DSCAML1: variants seen among roughly 807,000 people sequenced by gnomAD.
The protein encoded by DSCAML1 is DS cell adhesion molecule like 1, also known as cell adhesion molecule DSCAML1.
Under a neutral mutation model 200.5 loss-of-function variants are expected in DSCAML1, and 38 were observed. The observed-to-expected ratio is 0.19, with a 90% CI of 0.15 to 0.25. The LOEUF (loss-of-function observed/expected upper bound fraction) is 0.25. Among genes scored for constraint, DSCAML1 ranks in the 10% least tolerant of loss-of-function variants. The pLI, the probability that DSCAML1 is intolerant of heterozygous loss-of-function variation, is 1.00. For synonymous variants in DSCAML1, 1,215 were observed against 1,165.0 expected (o/e 1.04, Z -0.87); for missense variants, 2,223 against 2,858.8 (o/e 0.78, Z 5.07).
At chr11:117,564,766 TTTCTTTC>T (rs1397670017) in intron 3 of DSCAML1, among the ~76,000 whole-genome samples, 1 of 151,708 alleles carries the variant, frequency 6.6e-6, no homozygotes, top group Non-Finnish European at 1.5e-5. Context: ...TCTTTCTTTC[TTTCTTTC>T]TTCTTTCTTT....
Position 117,796,895 on chromosome 11 carries a change from C to T in DSCAML1, c.46+139G>A, listed in dbSNP as rs1370596254. 4.6e-5 allele frequency: 24 copies of T among 526,640 alleles called. No homozygotes were observed. The East Asian group carries it at 8.7e-4, about 19-fold the overall frequency. The allele number at this position is 526,640 out of a possible 1,614,324, so 32.6% of individuals were successfully genotyped here. ...CCCCTGTCAGGGTGCCTGCCCCTCC[C>T]CGCTGCGCCCCACCCGGGGCCTTGC... is the stretch of plus-strand genomic sequence containing the variant. On this transcript the variant is annotated intron_variant, in intron 1 of 32. Coordinates refer to ENST00000651296, the MANE Select transcript of DSCAML1 (RefSeq NM_020693.4).
At position 117,518,527 on chromosome 11, in the gene DSCAML1, G is replaced by T. The variant is rs1472446328; in HGVS notation, c.1449C>A (p.Tyr483Ter). ...TGPQIRDGGVYRCTARNLVGS... is the reference protein window; with the variant it reads ...TGPQIRDGGV ...CCACCAAGTTCCGCGCTGTGCACCG[G>T]TACACGCCCCCGTCGCGGATCTGGG... Residue 483 changes from tyrosine (Y) to a stop codon, truncating the protein, a stop_gained, in exon 7 of 33, where the codon TAC becomes TAA. Coordinates refer to ENST00000651296, the MANE Select transcript of DSCAML1 (RefSeq NM_020693.4). LOFTEE classifies it high-confidence loss of function. This position sits in a 1 kb window ranked among gnomAD's most constrained non-coding sequence, Gnocchi z 6.3. 6.2e-7 allele frequency: 1 copy of T among 1,614,080 alleles called. No homozygotes were observed. The highest frequency in any genetic ancestry group is 8.5e-7 in the Non-Finnish European group (1 of 1,180,050).
Position 117,797,159 on chromosome 11 carries a change from T to A in DSCAML1, c.-80A>T. 6.3e-7 allele frequency: 1 copy of A among 1,586,368 alleles called. No individual in the cohort carries two copies. The highest frequency in any genetic ancestry group is 8.6e-7 in the Non-Finnish European group (1 of 1,167,898). Reference sequence around the variant, plus strand: ...AGCGCCTCTCCCCCGCTCAGCGCGCTCCCAGCCGCCCGCACTCGGCGCCCC... The same window carrying A: ...AGCGCCTCTCCCCCGCTCAGCGCGCACCCAGCCGCCCGCACTCGGCGCCCC... On this transcript the variant is annotated 5_prime_UTR_variant, in exon 1 of 33. Coordinates refer to ENST00000651296, the MANE Select transcript of DSCAML1 (RefSeq NM_020693.4).
At position 117,683,888 on chromosome 11, in the gene DSCAML1, C is replaced by G. The variant is rs577660466; in HGVS notation, c.511+92903G>C. Among the ~76,000 whole-genome samples the G allele has an allele frequency of 2.0e-5, 3 of 152,320 alleles. No homozygotes were observed. The South Asian group carries it at 6.2e-4, about 32-fold the overall frequency. Reference sequence around the variant, plus strand: ...GCTGGCTGTCTCCTGTCATCACCCCCACCCAGGGTCCCAATACCTTCTTTC... The same window carrying G: ...GCTGGCTGTCTCCTGTCATCACCCCGACCCAGGGTCCCAATACCTTCTTTC... On this transcript the variant is annotated intron_variant, in intron 3 of 32. Coordinates refer to ENST00000651296, the MANE Select transcript of DSCAML1 (RefSeq NM_020693.4).
chr11:117,661,835 C>G (rs1192351942), intron 3 of DSCAML1, among the ~76,000 whole-genome samples: 2 of 152,156 alleles, frequency 1.3e-5, no homozygotes, highest in Non-Finnish European at 2.9e-5. Context: ...GTCATAGGGA[C>G]TGGGCCTATG....
chr11:117,684,720 T>A (rs182616326), intron 3 of DSCAML1, among the ~76,000 whole-genome samples: 6 of 152,368 alleles, frequency 3.9e-5, no homozygotes, highest in African/African-American at 1.2e-4. Flanking sequence ...GCCAAGAATG[T>A]AAAATTGAAA....
intron 3 of DSCAML1, among the ~76,000 whole-genome samples, chr11:117,651,903 G>A (rs145211228): frequency 6.6e-6 from 1 of 152,246 alleles, no homozygotes; most frequent in Non-Finnish European, 1.5e-5. Flanking sequence ...GGATGACAAT[G>A]CCTACTCTGC....
At chr11:117,443,247 G>T (rs564098189) in intron 21 of DSCAML1, among the ~76,000 whole-genome samples, 4 of 152,184 alleles carry the variant, frequency 2.6e-5, no homozygotes, top group Non-Finnish European at 5.9e-5. Context: ...CTACCTGCGC[G>T]GCTGCTACAG....
chr11:117,575,867 CA>C (rs1565800014), intron 3 of DSCAML1, among the ~76,000 whole-genome samples: 1 of 150,774 alleles, frequency 6.6e-6, no homozygotes, highest in African/African-American at 2.4e-5. Context: ...CAAAACAAAA[CA>C]AAACAAAACA....
intron 4 of DSCAML1, among the ~76,000 whole-genome samples, chr11:117,531,499 A>C (rs988181156): frequency 6.6e-6 from 1 of 152,218 alleles, no homozygotes; most frequent in African/African-American, 2.4e-5. Flanking sequence ...TATTCTGTTT[A>C]GAAATATTTT....
chr11:117,616,944 A>T (rs1480053735), intron 3 of DSCAML1, among the ~76,000 whole-genome samples: 1 of 152,222 alleles, frequency 6.6e-6, no homozygotes, highest in Non-Finnish European at 1.5e-5. Context: ...ATAAGAGGAA[A>T]CTTCAGGGGA....
chr11:117,433,578 C>A, intron 27 of DSCAML1, 107 bp from the exon 28 acceptor site: 1 of 1,233,754 alleles, frequency 8.1e-7, no homozygotes, highest in Non-Finnish European at 1.1e-6. Context: ...AAAATGGGGC[C>A]AGGGCTGGTC....
In DSCAML1 at chr11:117,438,857, C is replaced by T. The variant is rs550184017; in HGVS notation, c.4243+28G>A. 142 of 1,514,004 alleles carry T rather than the reference C, an allele frequency of 9.4e-5. 1 individual carries two copies. The South Asian group carries it at 1.8e-3, about 20-fold the overall frequency. 93.8% of individuals were successfully genotyped at this position (1,514,004 alleles called of 1,614,324 possible). A position where few individuals can be genotyped will look rare whatever the true frequency, so the allele number is the denominator to read the frequency against. Reference sequence around the variant, plus strand: ...CCGGGCCCAGAATTCCTTCCCCTATCTTCCCCCGCATCCAGACCCCTCCTC... The same window carrying T: ...CCGGGCCCAGAATTCCTTCCCCTATTTTCCCCCGCATCCAGACCCCTCCTC... On this transcript the variant is annotated intron_variant, in intron 24 of 32. Coordinates refer to ENST00000651296, the MANE Select transcript of DSCAML1 (RefSeq NM_020693.4).
chr11:117,532,571 C>T (rs1379502822), intron 3 of DSCAML1, 49 bp from the exon 4 acceptor site: 2 of 1,576,500 alleles, frequency 1.3e-6, no homozygotes, highest in Non-Finnish European at 1.7e-6. Context: ...TTTCGTACAG[C>T]CTCAGAGGCA....
rs534869685 is a variant in DSCAML1 at position 117,490,189 on chromosome 11, G to A, written c.2360-8027C>T. ...CAGGGCTCTTTCAGGGCAGCAAGCC[G>A]AGGTGGGAGGAAATCAATTTCAGAA... On this transcript the variant is annotated intron_variant, in intron 11 of 32. Coordinates refer to ENST00000651296, the MANE Select transcript of DSCAML1 (RefSeq NM_020693.4). Among the ~76,000 whole-genome samples, 8 of 152,324 alleles carry A rather than the reference G, an allele frequency of 5.3e-5. No homozygotes were observed. In the South Asian group the frequency reaches 1.5e-3, roughly 28 times the overall value.
intron 3 of DSCAML1, among the ~76,000 whole-genome samples, chr11:117,662,734 T>C (rs2052881745): frequency 6.6e-6 from 1 of 152,212 alleles, no homozygotes; most frequent in Non-Finnish European, 1.5e-5. Context: ...AAACCGAAGA[T>C]GTGGAATGCA....
chr11:117,617,559 C>G (rs2051833610), intron 3 of DSCAML1, among the ~76,000 whole-genome samples: 1 of 152,066 alleles, frequency 6.6e-6, no homozygotes, highest in African/African-American at 2.4e-5. Context: ...GCGCAATTAA[C>G]AATAATTACG....
chr11:117,810,397 C>T (rs995330220), intron 1 of DSCAML1, among the ~76,000 whole-genome samples: 4 of 152,094 alleles, frequency 2.6e-5, no homozygotes, highest in Admixed American at 2.6e-4. Flanking sequence ...TCTCTGTGTC[C>T]CAATCCCTTA....
At chr11:117,472,136 G>T in intron 14 of DSCAML1, 100 bp from the exon 15 acceptor site, 1 of 1,353,910 alleles carries the variant, frequency 7.4e-7, no homozygotes, top group South Asian at 1.3e-5. Flanking sequence ...TTGGATGCCC[G>T]AGGGGTCCAG....
Sources: allele counts gnomAD v4.1 joint callset (sites outside exome capture counted in the v4.1 genomes callset), GRCh38; gene constraint gnomAD v4.1.1; non-coding constraint Gnocchi (gnomAD v3.1); transcripts MANE v1.5; gene names NCBI Gene and HGNC (gene_info 2026-07-23, HGNC 2026-07-21).